The following ADAMTS17 variants were observed in gnomAD, a reference collection of about 807,000 sequenced individuals.
The protein encoded by ADAMTS17 is A disintegrin and metalloproteinase with thrombospondin motifs 17.
In ADAMTS17, 113 loss-of-function variants were observed where a neutral mutation model predicts 141.5. That is an observed-to-expected ratio of 0.80 (90% CI 0.69 to 0.93). The LOEUF is 0.93. ADAMTS17 is among the 40% of genes least tolerant of loss of function. The pLI is 0.00. For synonymous variants in ADAMTS17, 768 were observed against 630.6 expected, an observed-to-expected ratio of 1.22 and a Z score of -3.27; for missense variants, 1,659 against 1,517.9, an observed-to-expected ratio of 1.09 and a Z score of -1.54.
intron 12 of ADAMTS17, among the ~76,000 whole-genome samples, chr15:100,119,514 G>C (rs1239690239): frequency 1.3e-5 from 2 of 152,180 alleles, no homozygotes; most frequent in African/African-American, 4.8e-5. Context: ...AGTGGTTATC[G>C]AGCTTCCTTT....
At chr15:100,210,353 C>G (rs144198913) in intron 7 of ADAMTS17, among the ~76,000 whole-genome samples, 2 of 152,002 alleles carry the variant, frequency 1.3e-5, no homozygotes, top group Non-Finnish European at 2.9e-5. Flanking sequence ...TGTACCAGGT[C>G]CTGCACTAAA....
intron 15 of ADAMTS17, among the ~76,000 whole-genome samples, chr15:100,080,559 C>T (rs1340023069): frequency 6.6e-6 from 1 of 152,060 alleles, no homozygotes; most frequent in African/African-American, 2.4e-5. Flanking sequence ...AAGAAAAAAC[C>T]CACGTCTTGC....
chr15:100,223,809 GTGTGTGTGTATA>G (rs769029852), intron 7 of ADAMTS17, among the ~76,000 whole-genome samples: 10 of 151,676 alleles, frequency 6.6e-5, no homozygotes, highest in Non-Finnish European at 1.5e-4. Context: ...ATATATATGT[GTGTGTGTGTATA>G]TATGTGTGTA....
At chr15:100,109,284 G>A (rs149420610) in intron 13 of ADAMTS17, among the ~76,000 whole-genome samples, 168 bp from the exon 14 acceptor site, 32 of 70,474 alleles carry the variant, frequency 4.5e-4, no homozygotes, top group African/African-American at 1.6e-3. Context: ...AAGACCCACA[G>A]CCACAGGGGA....
chr15:100,124,541 G>A (rs543639449), intron 12 of ADAMTS17, among the ~76,000 whole-genome samples: 86 of 152,304 alleles, frequency 5.6e-4, no homozygotes, highest in Non-Finnish European at 9.0e-4. Context: ...GAGATGGCAC[G>A]GCCATTCTGC....
intron 18 of ADAMTS17, among the ~76,000 whole-genome samples, chr15:99,998,301 GTTC>G (rs985279853): frequency 4.6e-5 from 7 of 152,146 alleles, no homozygotes; most frequent in Non-Finnish European, 1.0e-4. Context: ...GTCTGAAAGT[GTTC>G]TTCTAAAACT....
chr15:100,124,355 A>G (rs982742792), intron 12 of ADAMTS17, among the ~76,000 whole-genome samples: 3 of 152,262 alleles, frequency 2.0e-5, no homozygotes, highest in Admixed American at 2.0e-4. Context: ...AAGGATATCC[A>G]AATGGCAAAT....
At chr15:100,298,869 C>T (rs1042554635) in intron 3 of ADAMTS17, among the ~76,000 whole-genome samples, 1 of 152,176 alleles carries the variant, frequency 6.6e-6, no homozygotes, top group South Asian at 2.1e-4. Context: ...AAGAAATTTA[C>T]TTCTCACAGT....
chr15:100,326,852 C>T (rs954997335), intron 3 of ADAMTS17, among the ~76,000 whole-genome samples: 15 of 152,284 alleles, frequency 9.9e-5, no homozygotes, highest in Non-Finnish European at 1.9e-4. Flanking sequence ...TCACCCTAAG[C>T]GGAGCCAGGT....
chr15:100,139,462 G>C (rs1009606088), intron 10 of ADAMTS17, among the ~76,000 whole-genome samples: 4 of 152,220 alleles, frequency 2.6e-5, no homozygotes, highest in African/African-American at 4.8e-5. Context: ...CAGAGGCCAA[G>C]GATACTGCTA....
chr15:100,048,508 C>G (rs944599478), intron 18 of ADAMTS17, among the ~76,000 whole-genome samples: 4 of 151,664 alleles, frequency 2.6e-5, no homozygotes, highest in Non-Finnish European at 5.9e-5. Flanking sequence ...CCTGGGCACT[C>G]AGACTCCAAT....
intron 3 of ADAMTS17, among the ~76,000 whole-genome samples, chr15:100,322,148 C>G (rs1403985044): frequency 6.6e-6 from 1 of 152,152 alleles, no homozygotes; most frequent in African/African-American, 2.4e-5. Flanking sequence ...AGGAACAGCA[C>G]AGGAGACTGA....
At chr15:100,291,734 CCAGAA>C (rs1471416961) in intron 3 of ADAMTS17, among the ~76,000 whole-genome samples, 8 of 152,116 alleles carry the variant, frequency 5.3e-5, no homozygotes, top group Admixed American at 5.2e-4. Flanking sequence ...CGAACTAACA[CCAGAA>C]CAGAAAACCA....
chr15:100,066,753 G>C (rs1231513004), intron 15 of ADAMTS17, among the ~76,000 whole-genome samples: 4 of 151,848 alleles, frequency 2.6e-5, no homozygotes, highest in African/African-American at 9.7e-5. Flanking sequence ...ATCTGTCTCA[G>C]CAGTATTCCT....
chr15:100,084,197 C>T (rs1302183819), intron 15 of ADAMTS17, among the ~76,000 whole-genome samples: 2 of 152,210 alleles, frequency 1.3e-5, no homozygotes, highest in African/African-American at 4.8e-5. Flanking sequence ...GAGATTATAT[C>T]CCGCGCATGG....
intron 8 of ADAMTS17, among the ~76,000 whole-genome samples, chr15:100,180,290 A>G (rs1272757399): frequency 6.6e-6 from 1 of 152,050 alleles, no homozygotes; most frequent in African/African-American, 2.4e-5. Flanking sequence ...TCCCCAACGT[A>G]TGTTCTTGGC....
chr15:100,041,355 G>C (rs2031236955), intron 18 of ADAMTS17, among the ~76,000 whole-genome samples: 1 of 152,220 alleles, frequency 6.6e-6, no homozygotes. Context: ...ACTTGGAATG[G>C]CCTTTTTCAA....
intron 14 of ADAMTS17, among the ~76,000 whole-genome samples, chr15:100,106,103 C>G (rs765372564): frequency 3.9e-5 from 6 of 151,998 alleles, no homozygotes; most frequent in Non-Finnish European, 8.8e-5. Flanking sequence ...CTCAAGTGAT[C>G]CTCCCACCTC....
Position 99,974,508 on chromosome 15 carries a change from A to G in ADAMTS17, c.3182T>C (p.Ile1061Thr). Residue 1061 changes from isoleucine to threonine, a missense_variant, in exon 22 of 22, where the codon ATC becomes ACC. By Grantham distance (89) the Ile-to-Thr change is moderately conservative (BLOSUM62 -1). Coordinates refer to ENST00000268070, the MANE Select transcript of ADAMTS17 (RefSeq NM_139057.4). ...RDQWTVYCRV[I>T]REKNLCQDMR... ...GTCCTGGCAGAGGTTCTTTTCTCGG[A>G]TGACCCGGCAATATACCGTCCACTG... is the stretch of plus-strand genomic sequence containing the variant. 1 of 1,614,166 alleles carries G rather than the reference A, an allele frequency of 6.2e-7. No homozygotes were observed. The highest frequency in any genetic ancestry group is 1.1e-5 in the South Asian group (1 of 91,086).
Sources: gnomAD v4.1 joint callset for allele counts (sites outside exome capture counted in the v4.1 genomes callset) on GRCh38, gnomAD v4.1.1 for gene constraint, MANE v1.5 for transcripts, NCBI Gene and HGNC (gene_info 2026-07-23, HGNC 2026-07-21) for gene names.